The following SMAP1 variants were observed in gnomAD, a reference collection of about 807,000 sequenced individuals.
SMAP1 encodes the protein small ArfGAP 1, also known as stromal membrane-associated protein 1.
SMAP1 carries 24 observed loss-of-function variants against 58.5 expected under a neutral mutation model. The observed-to-expected ratio is 0.41, with a 90% CI of 0.30 to 0.58. The LOEUF (loss-of-function observed/expected upper bound fraction) is 0.58, where lower values mean the gene tolerates loss of function less well. Among genes scored for constraint, SMAP1 ranks in the 20% least tolerant of loss-of-function variants. SMAP1 has a pLI of 0.29. For missense variants in SMAP1, 563 were observed against 566.3 expected (o/e 0.99, Z 0.06); for synonymous variants, 216 against 196.6 (o/e 1.10, Z -0.82).
At chr6:70,770,578 G>T (rs957575141) in intron 3 of SMAP1, among the ~76,000 whole-genome samples, 1 of 151,962 alleles carries the variant, frequency 6.6e-6, no homozygotes, top group African/African-American at 2.4e-5. Flanking sequence ...TGTAGTTCTC[G>T]AGCCTTGGCT....
intron 4 of SMAP1, among the ~76,000 whole-genome samples, chr6:70,785,069 C>T (rs751890609): frequency 2.0e-5 from 3 of 152,156 alleles, no homozygotes; most frequent in Non-Finnish European, 4.4e-5. Context: ...GTCTCCTCAG[C>T]AAATGTAAAA....
intron 3 of SMAP1, chr6:70,772,783 A>T (rs1327123388): frequency 6.6e-6 from 1 of 152,234 alleles, no homozygotes; most frequent in Non-Finnish European, 1.5e-5. Flanking sequence ...TACATGTGGA[A>T]TCCTATATGA....
intron 3 of SMAP1, among the ~76,000 whole-genome samples, chr6:70,761,391 T>G (rs1338497489): frequency 6.6e-6 from 1 of 152,074 alleles, no homozygotes; most frequent in Non-Finnish European, 1.5e-5. Context: ...TCTGACTCCC[T>G]GAAAATATTA....
chr6:70,712,651 T>G (rs574205754), intron 1 of SMAP1, among the ~76,000 whole-genome samples: 1 of 152,330 alleles, frequency 6.6e-6, no homozygotes, highest in South Asian at 2.1e-4. Flanking sequence ...TGTTTCTTCT[T>G]GATTCAGTCT....
chr6:70,707,680 A>G (rs1767892928), intron 1 of SMAP1, among the ~76,000 whole-genome samples: 1 of 152,108 alleles, frequency 6.6e-6, no homozygotes, highest in Non-Finnish European at 1.5e-5. Context: ...ATCTTAGCTC[A>G]CTGCAACCTC....
chr6:70,748,547 A>G (rs1210199098), intron 2 of SMAP1, among the ~76,000 whole-genome samples: 1 of 152,036 alleles, frequency 6.6e-6, no homozygotes, highest in Non-Finnish European at 1.5e-5. Flanking sequence ...TAAAATATAT[A>G]TTCATGATCT....
At position 70,861,680 on chromosome 6, in the gene SMAP1, C is replaced by T. The variant is rs150481412; in HGVS notation, c.*1346C>T. On this transcript the variant is annotated 3_prime_UTR_variant, in exon 11 of 11. Transcript: ENST00000370455. ...GCTTCAATTTATACCTCAATTTTCA[C>T]TGTGTCCAGGTGGTACTTTGGCTCG... 7.3e-4 allele frequency: 1,171 copies of T among 1,613,720 alleles called. 17 individuals are homozygous for T. In the South Asian group the frequency reaches 0.012, roughly 16 times the overall value.
At chr6:70,821,943 A>G (rs1034863795) in intron 6 of SMAP1, among the ~76,000 whole-genome samples, 5 of 152,150 alleles carry the variant, frequency 3.3e-5, no homozygotes, top group Non-Finnish European at 5.9e-5. Flanking sequence ...TGTTTTTGCA[A>G]TCATTTGAAG....
chr6:70,678,675 G>T (rs1358996683), intron 1 of SMAP1, among the ~76,000 whole-genome samples: 1 of 152,176 alleles, frequency 6.6e-6, no homozygotes, highest in Non-Finnish European at 1.5e-5. Context: ...GTGTTAGCAG[G>T]CTTGCATTCC....
intron 6 of SMAP1, among the ~76,000 whole-genome samples, chr6:70,827,882 A>T (rs1305147036): frequency 2.0e-5 from 3 of 152,226 alleles, no homozygotes; most frequent in Non-Finnish European, 2.9e-5. Context: ...TAAAAATACA[A>T]TTTAAGAAAG....
At chr6:70,681,024 AC>A (rs1389020778) in intron 1 of SMAP1, among the ~76,000 whole-genome samples, 1 of 151,922 alleles carries the variant, frequency 6.6e-6, no homozygotes, top group Non-Finnish European at 1.5e-5. Context: ...GGCCATAATT[AC>A]ACGGATTTCT....
intron 2 of SMAP1, among the ~76,000 whole-genome samples, chr6:70,739,719 G>C (rs746145321): frequency 5.9e-5 from 9 of 151,726 alleles, no homozygotes; most frequent in Non-Finnish European, 8.8e-5. Context: ...CCTGTATGTT[G>C]GATCTTTATT....
At chr6:70,713,915 G>T (rs144679629) in intron 1 of SMAP1, among the ~76,000 whole-genome samples, 3 of 152,046 alleles carry the variant, frequency 2.0e-5, no homozygotes, top group African/African-American at 7.2e-5. Flanking sequence ...ATATACTTGG[G>T]TGCTCTGATG....
At chr6:70,844,315 C>CG (rs1303566863) in intron 7 of SMAP1, among the ~76,000 whole-genome samples, 1 of 152,132 alleles carries the variant, frequency 6.6e-6, no homozygotes, top group Non-Finnish European at 1.5e-5. Context: ...AGCTCTAAAT[C>CG]AGAGTGCGTG....
At chr6:70,749,611 A>C (rs1199859670) in intron 2 of SMAP1, among the ~76,000 whole-genome samples, 1 of 151,894 alleles carries the variant, frequency 6.6e-6, no homozygotes, top group East Asian at 1.9e-4. Flanking sequence ...AAAAAAAACA[A>C]CAACCAGTAA....
At chr6:70,789,894 T>C (rs1402030005) in intron 4 of SMAP1, among the ~76,000 whole-genome samples, 2 of 152,126 alleles carry the variant, frequency 1.3e-5, no homozygotes, top group Non-Finnish European at 2.9e-5. Context: ...CTGATACTTA[T>C]TGAATGGAAT....
chr6:70,685,895 A>AT (rs1766916249), intron 1 of SMAP1, among the ~76,000 whole-genome samples: 1 of 151,804 alleles, frequency 6.6e-6, no homozygotes, highest in African/African-American at 2.4e-5. Context: ...GGTTTTTTTA[A>AT]TTTTTTTATT....
intron 4 of SMAP1, among the ~76,000 whole-genome samples, chr6:70,781,175 T>A (rs1767747732): frequency 6.6e-6 from 1 of 152,130 alleles, no homozygotes; most frequent in East Asian, 1.9e-4. Context: ...GGACTTAAAA[T>A]TTTTTTAAGT....
In SMAP1 at chr6:70,674,061, A is replaced by G. The variant is rs139822045; in HGVS notation, c.118+5920A>G. ...TTGAATCCATGCTCTCTTTAAGGCAAAGTAGAATGTTTAAAACGATATACT... is the reference window on the plus strand; with the variant it reads ...TTGAATCCATGCTCTCTTTAAGGCAGAGTAGAATGTTTAAAACGATATACT... On this transcript the variant is annotated intron_variant, in intron 1 of 10. Coordinates refer to ENST00000370455, the MANE Select transcript of SMAP1 (RefSeq NM_001044305.3). 4.2e-4 allele frequency among the ~76,000 whole-genome samples: 64 copies of G among 152,242 alleles called. 1 individual carries two copies. The East Asian group carries it at 0.012, about 28-fold the overall frequency.
Sources: allele counts gnomAD v4.1 joint callset (sites outside exome capture counted in the v4.1 genomes callset), GRCh38; gene constraint gnomAD v4.1.1; transcripts MANE v1.5; gene names NCBI Gene and HGNC (gene_info 2026-07-23, HGNC 2026-07-21).